Variants in RPSA2 observed in about 807,000 individuals in gnomAD.
The protein encoded by RPSA2 is ribosomal protein SA 2.
At chr19:23,832,993 G>A in the RPSA2 span, 2,131 of 1,446,998 alleles carry the variant, frequency 1.5e-3, 27 homozygotes, top group African/African-American at 0.027. Flanking sequence ...ATGTGGCAAA[G>A]CCTTTAGGCA....
chr19:23,857,884 C>A, the RPSA2 span, among the ~76,000 whole-genome samples: 1 of 152,080 alleles, frequency 6.6e-6, no homozygotes, highest in South Asian at 2.1e-4. Context: ...TGGAATAAAC[C>A]TTGCTTATCT....
the RPSA2 span, among the ~76,000 whole-genome samples, chr19:23,819,626 C>T: frequency 6.6e-6 from 1 of 152,168 alleles, no homozygotes; most frequent in African/African-American, 2.4e-5. Context: ...CATGGCTATT[C>T]TTAAAGCCTG....
At chr19:23,854,150 G>A in the RPSA2 span, among the ~76,000 whole-genome samples, 1 of 152,130 alleles carries the variant, frequency 6.6e-6, no homozygotes, top group Admixed American at 6.5e-5. Context: ...AGGAACCTTG[G>A]CAGACACCAT....
the RPSA2 span, chr19:23,827,764 G>C: frequency 6.3e-7 from 1 of 1,587,574 alleles, no homozygotes. Flanking sequence ...TGCCTGATCT[G>C]TACTTCTACA....
chr19:23,767,268 G>A, the RPSA2 span, among the ~76,000 whole-genome samples: 4 of 151,918 alleles, frequency 2.6e-5, no homozygotes, highest in Admixed American at 1.3e-4. Context: ...TAGTACATAC[G>A]GGGTTTCATT....
the RPSA2 span, among the ~76,000 whole-genome samples, chr19:23,812,019 C>T: frequency 7.9e-5 from 12 of 151,966 alleles, no homozygotes; most frequent in East Asian, 5.8e-4. Context: ...GCCTGCCTTC[C>T]GGGAATGCAC....
the RPSA2 span, among the ~76,000 whole-genome samples, chr19:23,849,987 C>T: frequency 1.3e-5 from 2 of 152,104 alleles, no homozygotes; most frequent in African/African-American, 4.8e-5. Context: ...TGTAGTTAAT[C>T]TCTCCGGAAG....
chr19:23,865,598 G>A, the RPSA2 span, among the ~76,000 whole-genome samples: 1 of 152,112 alleles, frequency 6.6e-6, no homozygotes, highest in African/African-American at 2.4e-5. Context: ...TGAAAATAAT[G>A]AGCAGGAGAA....
At chr19:23,829,685 T>C in the RPSA2 span, among the ~76,000 whole-genome samples, 1 of 152,358 alleles carries the variant, frequency 6.6e-6, no homozygotes, top group East Asian at 1.9e-4. Flanking sequence ...CATTTTAATC[T>C]GGTAGAAAAA....
the RPSA2 span, among the ~76,000 whole-genome samples, chr19:23,769,478 G>A: frequency 6.6e-6 from 1 of 152,136 alleles, no homozygotes; most frequent in Admixed American, 6.5e-5. Flanking sequence ...TGAGTAGCTG[G>A]GATTATAGGC....
chr19:23,817,008 A>G, the RPSA2 span, among the ~76,000 whole-genome samples: 2 of 36,566 alleles, frequency 5.5e-5, no homozygotes, highest in Admixed American at 4.3e-4. Flanking sequence ...AATATCTTAA[A>G]ATTCAAACAA....
At chr19:23,860,349 T>G in the RPSA2 span, among the ~76,000 whole-genome samples, 1 of 152,240 alleles carries the variant, frequency 6.6e-6, no homozygotes, top group Non-Finnish European at 1.5e-5. Flanking sequence ...ATCCTGTACT[T>G]AAACTGCTTT....
At chr19:23,839,492 A>T in the RPSA2 span, among the ~76,000 whole-genome samples, 2 of 152,224 alleles carry the variant, frequency 1.3e-5, no homozygotes, top group African/African-American at 4.8e-5. Context: ...TTCCATGTGG[A>T]GGGCAAGTTG....
chr19:23,863,564 CAAAAAAA>C, the RPSA2 span, among the ~76,000 whole-genome samples: 5 of 109,800 alleles, frequency 4.6e-5, no homozygotes, highest in Admixed American at 9.1e-5. Context: ...GATTCCAACT[CAAAAAAA>C]AAAAAAAAAA....
the RPSA2 span, among the ~76,000 whole-genome samples, chr19:23,861,727 A>G: frequency 6.6e-6 from 1 of 152,138 alleles, no homozygotes; most frequent in Non-Finnish European, 1.5e-5. Flanking sequence ...CCATCACAGA[A>G]GGGAAGGTCT....
the RPSA2 span, among the ~76,000 whole-genome samples, chr19:23,844,322 G>T: frequency 6.6e-6 from 1 of 152,062 alleles, no homozygotes; most frequent in Non-Finnish European, 1.5e-5. Context: ...TGTATGGTTT[G>T]CTATTGTGAG....
chr19:23,833,979 A>T, the RPSA2 span, among the ~76,000 whole-genome samples: 1 of 152,118 alleles, frequency 6.6e-6, no homozygotes. Flanking sequence ...CAAAAACTAC[A>T]AATTATAAAA....
chr19:23,821,366 C>T, the RPSA2 span, among the ~76,000 whole-genome samples: 1 of 152,210 alleles, frequency 6.6e-6, no homozygotes. Context: ...TAGCCATTCC[C>T]TTTCACTCAT....
the RPSA2 span, among the ~76,000 whole-genome samples, chr19:23,770,606 TC>T: frequency 6.6e-6 from 1 of 152,198 alleles, no homozygotes; most frequent in African/African-American, 2.4e-5. Context: ...ACCCCCCTTT[TC>T]TGCCTGCACC....
Sources: gnomAD v4.1 joint callset for allele counts (sites outside exome capture counted in the v4.1 genomes callset) on GRCh38, gnomAD v4.1.1 for gene constraint, MANE v1.5 for transcripts, NCBI Gene and HGNC (gene_info 2026-07-23, HGNC 2026-07-21) for gene names.